The following ASTN2 variants were observed in gnomAD, a reference collection of about 807,000 sequenced individuals.
ASTN2 encodes the protein astrotactin-2.
Under a neutral mutation model 139.8 loss-of-function variants are expected in ASTN2, and 54 were observed. The ratio of observed to expected loss-of-function variants is 0.39; its 90% CI spans 0.31 to 0.48. The LOEUF (loss-of-function observed/expected upper bound fraction) is 0.48. Among genes scored for constraint, ASTN2 ranks in the 20% least tolerant of loss-of-function variants. The probability of loss-of-function intolerance (pLI) is 0.95; values close to 1 mark genes in which losing one functional copy is unlikely to be tolerated. For synonymous variants in ASTN2, 756 were observed against 719.5 expected (o/e 1.05, Z -0.81); for missense variants, 1,565 against 1,725.1 (o/e 0.91, Z 1.64).
chr9:117,010,089 G>C (rs1837474020), intron 6 of ASTN2, among the ~76,000 whole-genome samples: 1 of 152,170 alleles, frequency 6.6e-6, no homozygotes, highest in Non-Finnish European at 1.5e-5. Flanking sequence ...TCTTTGTGAA[G>C]TAGGAGGAAT....
intron 2 of ASTN2, among the ~76,000 whole-genome samples, chr9:117,257,374 C>T (rs972498615): frequency 6.6e-6 from 1 of 152,124 alleles, no homozygotes; most frequent in African/African-American, 2.4e-5. Flanking sequence ...CAACTATGAC[C>T]AAAGAGTAGA....
At chr9:116,989,039 C>A (rs1288218844) in intron 7 of ASTN2, among the ~76,000 whole-genome samples, 3 of 152,080 alleles carry the variant, frequency 2.0e-5, no homozygotes, top group Admixed American at 6.5e-5. Flanking sequence ...TGAACAAAAC[C>A]TGAAACAGCA....
intron 19 of ASTN2, among the ~76,000 whole-genome samples, chr9:116,531,368 T>C (rs539475675): frequency 6.6e-6 from 1 of 152,324 alleles, no homozygotes; most frequent in Admixed American, 6.5e-5. Context: ...TACTGATGTT[T>C]ACAATTTTTT....
At chr9:117,061,993 C>T (rs2132689544) in intron 5 of ASTN2, among the ~76,000 whole-genome samples, 1 of 152,288 alleles carries the variant, frequency 6.6e-6, no homozygotes, top group East Asian at 1.9e-4. Flanking sequence ...ATAAGGTGCT[C>T]AAGGAAACTG....
At chr9:116,857,218 G>A (rs1350571248) in intron 11 of ASTN2, among the ~76,000 whole-genome samples, 2 of 152,128 alleles carry the variant, frequency 1.3e-5, no homozygotes, top group East Asian at 3.8e-4. Context: ...TTTGTAAAAT[G>A]GACATGATAG....
intron 13 of ASTN2, among the ~76,000 whole-genome samples, chr9:116,757,654 T>C (rs1829569370): frequency 6.6e-6 from 1 of 152,094 alleles, no homozygotes; most frequent in Middle Eastern, 3.2e-3. Context: ...GGGCTCATCG[T>C]CTTATTACCC....
At chr9:116,584,796 T>C (rs1399582144) in intron 19 of ASTN2, 2 of 152,170 alleles carry the variant, frequency 1.3e-5, no homozygotes. Flanking sequence ...ATAGAACACT[T>C]TAGGAAGAAC....
At chr9:116,712,646 A>C (rs537787814) in intron 16 of ASTN2, among the ~76,000 whole-genome samples, 1 of 152,260 alleles carries the variant, frequency 6.6e-6, no homozygotes, top group African/African-American at 2.4e-5. Context: ...GGTATGGTTG[A>C]AAGGTGGGAG....
chr9:116,932,295 C>T (rs77063336), intron 10 of ASTN2, among the ~76,000 whole-genome samples: 5,432 of 152,216 alleles, frequency 0.036, 210 homozygotes, highest in East Asian at 0.2. Context: ...GACACACAGC[C>T]AGGTATCTGA....
intron 10 of ASTN2, among the ~76,000 whole-genome samples, chr9:116,868,007 G>T (rs1419024490): frequency 6.6e-6 from 1 of 152,184 alleles, no homozygotes; most frequent in Non-Finnish European, 1.5e-5. Context: ...CCAATCTTGG[G>T]GCGGGGAGTG....
At chr9:116,854,940 C>T (rs1832700739) in intron 11 of ASTN2, among the ~76,000 whole-genome samples, 2 of 151,712 alleles carry the variant, frequency 1.3e-5, no homozygotes, top group East Asian at 1.9e-4. Context: ...GTTTGAGCCA[C>T]CGCGCCCGGC....
chr9:116,864,524 T>C (rs1423225759), intron 10 of ASTN2, among the ~76,000 whole-genome samples: 1 of 152,164 alleles, frequency 6.6e-6, no homozygotes, highest in Non-Finnish European at 1.5e-5. Flanking sequence ...TTCTCTACAA[T>C]GGAGGATACA....
chr9:117,035,444 G>A (rs929208178), intron 6 of ASTN2, among the ~76,000 whole-genome samples: 3 of 151,996 alleles, frequency 2.0e-5, no homozygotes, highest in African/African-American at 4.8e-5. Context: ...AAGAAAATAG[G>A]CACTATTATC....
intron 5 of ASTN2, among the ~76,000 whole-genome samples, chr9:117,045,034 T>C (rs10817982): frequency 6.6e-6 from 1 of 152,004 alleles, no homozygotes; most frequent in South Asian, 2.1e-4. Context: ...CTTCCCACTT[T>C]ATCATGGAAT....
chr9:117,016,273 A>T (rs924840042), intron 6 of ASTN2, among the ~76,000 whole-genome samples: 1 of 151,870 alleles, frequency 6.6e-6, no homozygotes, highest in African/African-American at 2.4e-5. Context: ...GTGACTCTCA[A>T]CCTCTTCTGG....
chr9:116,975,275 G>A lies in ASTN2; in HGVS notation c.1822C>T (p.Leu608=), dbSNP rs1390921487. 6.2e-7 allele frequency: 1 copy of A among 1,613,420 alleles called. No homozygotes were observed. The highest frequency in any genetic ancestry group is 8.5e-7 in the Non-Finnish European group (1 of 1,179,646). ...CAGCTGGCCAGGGGGTTGATGGACA[G>A]CTCCACAGGCGGAACCACAAAGCTT... ...SKSFVVPPVE[L]SINPLASCKT... Residue 608 remains leucine (L), a synonymous_variant, in exon 10 of 23, where the codon CTG becomes TTG. Transcript: ENST00000313400.
chr9:116,473,392 T>C (rs1224902978), intron 20 of ASTN2, among the ~76,000 whole-genome samples: 1 of 152,112 alleles, frequency 6.6e-6, no homozygotes, highest in Non-Finnish European at 1.5e-5. Context: ...ACATTATAGG[T>C]TCAAGGAATA....
intron 20 of ASTN2, among the ~76,000 whole-genome samples, chr9:116,464,507 C>T (rs1038750928): frequency 1.3e-5 from 2 of 152,152 alleles, no homozygotes; most frequent in African/African-American, 4.8e-5. Context: ...TGGCCCACAG[C>T]ATTCAATATG....
At chr9:116,917,850 C>T (rs1432161349) in intron 10 of ASTN2, among the ~76,000 whole-genome samples, 2 of 152,120 alleles carry the variant, frequency 1.3e-5, no homozygotes, top group African/African-American at 4.8e-5. Flanking sequence ...TGGTACTAGC[C>T]TCAAGATAGT....
Sources: allele counts gnomAD v4.1 joint callset (sites outside exome capture counted in the v4.1 genomes callset), GRCh38; gene constraint gnomAD v4.1.1; transcripts MANE v1.5; gene names NCBI Gene and HGNC (gene_info 2026-07-23, HGNC 2026-07-21).